RALGAPA1: variants seen among roughly 807,000 people sequenced by gnomAD.
The protein encoded by RALGAPA1 is Ral GTPase activating protein catalytic subunit alpha 1, also known as ral GTPase-activating protein subunit alpha-1.
RALGAPA1 carries 52 observed loss-of-function variants against 269.6 expected under a neutral mutation model. The ratio of observed to expected loss-of-function variants is 0.19; its 90% CI spans 0.15 to 0.24. The LOEUF (loss-of-function observed/expected upper bound fraction) is 0.24. Ranked by LOEUF, RALGAPA1 falls within the 10% of genes least tolerant of loss-of-function variation. RALGAPA1 has a pLI of 1.00. For missense variants in RALGAPA1, 1,917 were observed against 3,013.9 expected, an observed-to-expected ratio of 0.64 and a Z score of 8.52; for synonymous variants, 817 against 1,008.3, an observed-to-expected ratio of 0.81 and a Z score of 3.60.
Position 35,572,550 on chromosome 14 carries a change from G to T in RALGAPA1, c.7368+10C>A. The T allele has an allele frequency of 6.3e-7, 1 of 1,582,712 alleles. No homozygotes were observed. The highest frequency in any genetic ancestry group is 1.2e-5 in the South Asian group (1 of 85,112). On this transcript the variant is annotated intron_variant, in intron 38 of 41. Coordinates refer to ENST00000680220, the MANE Select transcript of RALGAPA1 (RefSeq NM_001346249.2). ...ATCTATTACTAAAATGGAAGATAAG[G>T]AGTTCTTACCTCTGGTTTTTTCATT... is the stretch of plus-strand genomic sequence containing the variant.
chr14:35,539,697 G>C lies in RALGAPA1; in HGVS notation c.*24-7C>G, dbSNP rs1433645075. The C allele has an allele frequency of 1.2e-6, 2 of 1,613,348 alleles. No individual in the cohort carries two copies. The highest frequency in any genetic ancestry group is 1.7e-6 in the Non-Finnish European group (2 of 1,179,758). ...AGAATCTCTGGGTAGGAGCCTGTAGGAAACAGCAAGAGCATTACTACAGTT... is the reference window on the plus strand; with the variant it reads ...AGAATCTCTGGGTAGGAGCCTGTAGCAAACAGCAAGAGCATTACTACAGTT... On this transcript the variant is annotated splice_region_variant and splice_polypyrimidine_tract_variant and intron_variant, in intron 41 of 41. Coordinates refer to ENST00000680220, the MANE Select transcript of RALGAPA1 (RefSeq NM_001346249.2).
chr14:35,786,365 C>T (rs751006284), intron 1 of RALGAPA1, among the ~76,000 whole-genome samples: 26 of 152,004 alleles, frequency 1.7e-4, no homozygotes, highest in African/African-American at 5.3e-4. Context: ...ACCAGCCAGG[C>T]GCGGTAGCTC....
At chr14:35,577,323 C>T (rs749435412) in intron 37 of RALGAPA1, among the ~76,000 whole-genome samples, 8 of 151,812 alleles carry the variant, frequency 5.3e-5, no homozygotes, top group Non-Finnish European at 1.0e-4. Context: ...GTGTTGGTAT[C>T]GGAAGGTAGG....
At chr14:35,649,895 T>G (rs2062698705) in intron 31 of RALGAPA1, among the ~76,000 whole-genome samples, 1 of 152,210 alleles carries the variant, frequency 6.6e-6, no homozygotes, top group South Asian at 2.1e-4. Flanking sequence ...AATAAATGTT[T>G]AATAAATTTA....
At chr14:35,610,368 C>T (rs894291468) in intron 35 of RALGAPA1, among the ~76,000 whole-genome samples, 4 of 151,640 alleles carry the variant, frequency 2.6e-5, no homozygotes, top group Admixed American at 6.6e-5. Flanking sequence ...CTGCAAGCTC[C>T]GCCTCCCGGG....
Position 35,593,946 on chromosome 14 carries a change from C to A in RALGAPA1, c.7209+1688G>T, listed in dbSNP as rs552759007. ...ACTGGCGTAAAAACAGAAGCATATA[C>A]CAGTGGAACAAAACAGAGATCCCAG... is the stretch of plus-strand genomic sequence containing the variant. On this transcript the variant is annotated intron_variant, in intron 37 of 41. Coordinates refer to ENST00000680220, the MANE Select transcript of RALGAPA1 (RefSeq NM_001346249.2). 7.2e-5 allele frequency among the ~76,000 whole-genome samples: 11 copies of A among 152,044 alleles called. No individual in the cohort carries two copies. In the East Asian group the frequency reaches 1.9e-3, roughly 27 times the overall value.
intron 39 of RALGAPA1, among the ~76,000 whole-genome samples, chr14:35,568,460 G>A (rs201154249): frequency 7.9e-6 from 1 of 127,320 alleles, no homozygotes; most frequent in African/African-American, 3.3e-5. Context: ...GACTAGGAAA[G>A]TGAGAATTTG....
intron 1 of RALGAPA1, among the ~76,000 whole-genome samples, chr14:35,796,576 C>T (rs2076575719): frequency 6.6e-6 from 1 of 152,084 alleles, no homozygotes; most frequent in African/African-American, 2.4e-5. Context: ...CTAACCAAGG[C>T]ATATGATAAT....
chr14:35,731,932 C>T (rs1213775076), intron 12 of RALGAPA1, among the ~76,000 whole-genome samples: 2 of 152,138 alleles, frequency 1.3e-5, no homozygotes, highest in Admixed American at 1.3e-4. Flanking sequence ...GGCACATTGT[C>T]ATCAGGTTAT....
At chr14:35,751,785 T>TA (rs796977694) in intron 8 of RALGAPA1, among the ~76,000 whole-genome samples, 133 of 140,032 alleles carry the variant, frequency 9.5e-4, no homozygotes, top group African/African-American at 3.4e-3. Flanking sequence ...CCCTGTCTCT[T>TA]AAAAAAAACA....
chr14:35,541,711 T>C (rs2054016803), intron 41 of RALGAPA1: 1 of 456,566 alleles, frequency 2.2e-6, no homozygotes, highest in East Asian at 6.9e-5. Flanking sequence ...TTCCCGGCCA[T>C]CACGAGAGGC....
At chr14:35,740,002 C>T (rs540324699) in intron 11 of RALGAPA1, among the ~76,000 whole-genome samples, 7 of 152,284 alleles carry the variant, frequency 4.6e-5, no homozygotes, top group East Asian at 3.9e-4. Context: ...ATCTACTCTA[C>T]GCTGCAGCCA....
rs1210355424 is a variant in RALGAPA1 at position 35,689,459 on chromosome 14, T to A, written c.2952A>T (p.Glu984Asp). 1 of 1,233,588 alleles carries A rather than the reference T, an allele frequency of 8.1e-7. No individual in the cohort carries two copies. Among genetic ancestry groups the A allele is most frequent in the East Asian group, 3.2e-5 (1 of 31,718 alleles). The allele number at this position is 1,233,588 out of a possible 1,614,324, so 76.4% of individuals were successfully genotyped here. ...RGERLSLDKL[E>D]CTDQETESEN... is the part of the protein sequence containing the mutation. ...CTGATTCAGTTTCCTGATCTGTGCATTCTAATTTATCTAAGGATAATCTTT... is the reference window on the plus strand; with the variant it reads ...CTGATTCAGTTTCCTGATCTGTGCAATCTAATTTATCTAAGGATAATCTTT... Residue 984 changes from glutamate to aspartate, a missense_variant, in exon 18 of 42, where the codon GAA (glutamate) becomes GAT (aspartate). This residue lies in a region of RALGAPA1 where 615 missense variants were observed against 790.0 expected (regional missense o/e 0.78). Coordinates refer to ENST00000680220, the MANE Select transcript of RALGAPA1 (RefSeq NM_001346249.2).
intron 33 of RALGAPA1, among the ~76,000 whole-genome samples, chr14:35,633,487 C>A (rs920415960): frequency 8.5e-5 from 13 of 152,158 alleles, no homozygotes; most frequent in Non-Finnish European, 1.5e-4. Context: ...CCAAATCAAT[C>A]TAATATACCA....
At chr14:35,658,481 T>G (rs2063341019) in intron 28 of RALGAPA1, among the ~76,000 whole-genome samples, 1 of 152,082 alleles carries the variant, frequency 6.6e-6, no homozygotes. Flanking sequence ...TTGTAGCAAA[T>G]GACGTACTAT....
chr14:35,787,647 G>A (rs1238256610), intron 1 of RALGAPA1, among the ~76,000 whole-genome samples: 1 of 149,686 alleles, frequency 6.7e-6, no homozygotes, highest in Non-Finnish European at 1.5e-5. Flanking sequence ...TTTGAGACAG[G>A]GTCTTGCTGC....
intron 1 of RALGAPA1, among the ~76,000 whole-genome samples, chr14:35,793,509 C>T (rs1455437326): frequency 6.6e-6 from 1 of 152,060 alleles, no homozygotes; most frequent in African/African-American, 2.4e-5. Flanking sequence ...GCTGGGATTA[C>T]AGGCGTGAGC....
At chr14:35,790,124 G>C (rs1473799537) in intron 1 of RALGAPA1, among the ~76,000 whole-genome samples, 1 of 151,802 alleles carries the variant, frequency 6.6e-6, no homozygotes, top group Non-Finnish European at 1.5e-5. Flanking sequence ...ATGGTGGCAT[G>C]CACCTGTGGT....
chr14:35,608,582 C>CA (rs1800098281), intron 35 of RALGAPA1, among the ~76,000 whole-genome samples: 1 of 151,900 alleles, frequency 6.6e-6, no homozygotes, highest in African/African-American at 2.4e-5. Flanking sequence ...GACTTTAGAA[C>CA]AAAAAATGTT....
Sources: allele counts gnomAD v4.1 joint callset (sites outside exome capture counted in the v4.1 genomes callset), GRCh38; gene constraint gnomAD v4.1.1; regional missense constraint gnomAD v4.1.1; transcripts MANE v1.5; gene names NCBI Gene and HGNC (gene_info 2026-07-23, HGNC 2026-07-21).